Variants in EDIL3 observed in about 807,000 individuals in gnomAD.
EDIL3 encodes the protein EGF-like repeat and discoidin I-like domain-containing protein 3.
A neutral mutation model predicts 67.4 loss-of-function variants in EDIL3; 37 were observed. The observed-to-expected ratio is 0.55, with a 90% CI of 0.42 to 0.72. The LOEUF is 0.72. Among genes scored for constraint, EDIL3 ranks in the 30% least tolerant of loss-of-function variants. The pLI is 0.00. For missense variants in EDIL3, 527 were observed against 586.3 expected, an observed-to-expected ratio of 0.90 and a Z score of 1.04; for synonymous variants, 195 against 196.3, an observed-to-expected ratio of 0.99 and a Z score of 0.05.
intron 4 of EDIL3, among the ~76,000 whole-genome samples, chr5:84,152,042 C>G (rs1014996140): frequency 2.0e-5 from 3 of 151,916 alleles, no homozygotes; most frequent in Non-Finnish European, 4.4e-5. Flanking sequence ...GCCTCAGCCT[C>G]CAGAGTAGCT....
intron 1 of EDIL3, among the ~76,000 whole-genome samples, chr5:84,256,494 A>T (rs1040629892): frequency 2.0e-5 from 3 of 152,212 alleles, no homozygotes; most frequent in Non-Finnish European, 2.9e-5. Flanking sequence ...AAAGGGAATA[A>T]CACACTTAAA....
chr5:84,384,588 C>T lies in EDIL3; in HGVS notation c.-214G>A, dbSNP rs1027883069. 3 of 399,622 alleles carry T rather than the reference C, an allele frequency of 7.5e-6. No individual in the cohort carries two copies. Among genetic ancestry groups the T allele is most frequent in the Non-Finnish European group, 8.7e-6 (2 of 229,840 alleles). 24.8% of individuals were successfully genotyped at this position (399,622 alleles called of 1,614,324 possible). A position where few individuals can be genotyped will look rare whatever the true frequency, so the allele number is the denominator to read the frequency against. ...CTTTCCTCCCCTTTTGCCTGCGCTC[C>T]GGCGCGCGGAGGTGGGTGAGCTCCG... On this transcript the variant is annotated 5_prime_UTR_variant, in exon 1 of 11. Transcript: ENST00000296591.
At chr5:83,945,827 CA>C (rs1263906237) in intron 10 of EDIL3, among the ~76,000 whole-genome samples, 2 of 151,894 alleles carry the variant, frequency 1.3e-5, no homozygotes, top group Non-Finnish European at 2.9e-5. Flanking sequence ...CACAGAAAAA[CA>C]GCCGAAATCT....
At chr5:84,361,067 C>G (rs573493829) in intron 1 of EDIL3, among the ~76,000 whole-genome samples, 1 of 152,112 alleles carries the variant, frequency 6.6e-6, no homozygotes, top group Admixed American at 6.6e-5. Context: ...CCCTAAGTCA[C>G]TTATTCACCT....
At chr5:84,082,062 GC>G (rs1455525458) in intron 6 of EDIL3, among the ~76,000 whole-genome samples, 6 of 152,242 alleles carry the variant, frequency 3.9e-5, no homozygotes, top group African/African-American at 1.2e-4. Context: ...ATCCAGCATG[GC>G]AAAAGGTTAG....
At chr5:84,376,333 GA>G (rs1361273595) in intron 1 of EDIL3, among the ~76,000 whole-genome samples, 1 of 151,612 alleles carries the variant, frequency 6.6e-6, no homozygotes, top group African/African-American at 2.4e-5. Context: ...GTAATGAAAA[GA>G]AAGCAAAAAA....
At chr5:84,324,035 C>A (rs183561088) in intron 1 of EDIL3, among the ~76,000 whole-genome samples, 21 of 151,776 alleles carry the variant, frequency 1.4e-4, no homozygotes, top group African/African-American at 5.1e-4. Context: ...AATCAGAGGA[C>A]TTAATCAACA....
chr5:83,987,300 T>C (rs1005346890), intron 9 of EDIL3, among the ~76,000 whole-genome samples: 2 of 152,172 alleles, frequency 1.3e-5, no homozygotes, highest in African/African-American at 2.4e-5. Context: ...CTATTACCAA[T>C]ACATAATTTG....
In EDIL3 at chr5:84,133,395, A is replaced by G. The variant is rs147527246; in HGVS notation, c.469+3846T>C. 4.0e-3 allele frequency among the ~76,000 whole-genome samples: 600 copies of G among 148,878 alleles called. 4 individuals are homozygous for G. Among genetic ancestry groups the G allele is most frequent in the African/African-American group, 0.014 (576 of 40,358 alleles). The stretch of plus-strand genomic sequence containing the variant: ...CCCATTACTTTGGGAGGCCGAGGTG[A>G]GAAGATCATTCAAGGTCAGGAGTTT... On this transcript the variant is annotated intron_variant, in intron 5 of 10. Coordinates refer to ENST00000296591, the MANE Select transcript of EDIL3 (RefSeq NM_005711.5).
intron 9 of EDIL3, among the ~76,000 whole-genome samples, chr5:84,053,766 T>C (rs939115282): frequency 6.6e-6 from 1 of 152,196 alleles, no homozygotes; most frequent in Non-Finnish European, 1.5e-5. Flanking sequence ...AGGAAGAAGT[T>C]GAATCTCTGA....
chr5:84,065,408 T>C (rs1746619560), intron 7 of EDIL3, among the ~76,000 whole-genome samples: 1 of 152,216 alleles, frequency 6.6e-6, no homozygotes, highest in African/African-American at 2.4e-5. Context: ...AAAATTCAAG[T>C]ACTATAATGT....
At chr5:84,262,011 G>C (rs1407398701) in intron 1 of EDIL3, among the ~76,000 whole-genome samples, 1 of 152,082 alleles carries the variant, frequency 6.6e-6, no homozygotes, top group Non-Finnish European at 1.5e-5. Flanking sequence ...TGGATAAAAA[G>C]ACAAAAATGT....
intron 9 of EDIL3, among the ~76,000 whole-genome samples, chr5:84,054,609 A>C (rs1468859864): frequency 6.6e-6 from 1 of 152,128 alleles, no homozygotes; most frequent in African/African-American, 2.4e-5. Context: ...ACTTCAGCAA[A>C]GTCTCAGGAT....
chr5:84,259,951 T>G (rs958589160), intron 1 of EDIL3, among the ~76,000 whole-genome samples: 1 of 152,164 alleles, frequency 6.6e-6, no homozygotes, highest in South Asian at 2.1e-4. Flanking sequence ...TTATACAACT[T>G]CTCATGCCAT....
intron 1 of EDIL3, among the ~76,000 whole-genome samples, chr5:84,343,316 T>A (rs1044832555): frequency 1.3e-5 from 2 of 151,460 alleles, no homozygotes; most frequent in Admixed American, 1.3e-4. Context: ...CATTTACAAC[T>A]TTTTTTTTCA....
rs749560879 is a variant in EDIL3 at position 84,060,323 on chromosome 5, T to C, written c.1114A>G (p.Asn372Asp). The C allele has an allele frequency of 1.9e-5, 31 of 1,613,626 alleles. No homozygotes were observed. The highest frequency in any genetic ancestry group is 8.0e-5 in the African/African-American group (6 of 74,898). Residue 372 changes from asparagine (N) to aspartate (D), a missense_variant, in exon 9 of 11, where the codon AAT becomes GAT. Physicochemically the swap from Asn to Asp is conservative, Grantham distance 23. Transcript: ENST00000296591. Reference sequence around the variant, plus strand: ...ACCTGTAACCATTGTGACTGGTCATTGTGGCCAGAGGTCCAGGCATTCACT... The same window carrying C: ...ACCTGTAACCATTGTGACTGGTCATCGTGGCCAGAGGTCCAGGCATTCACT... ...GKVNAWTSGH[N>D]DQSQWLQVDL... is the part of the protein sequence containing the mutation.
chr5:84,361,301 A>T (rs1399311488), intron 1 of EDIL3, among the ~76,000 whole-genome samples: 1 of 151,108 alleles, frequency 6.6e-6, no homozygotes, highest in Non-Finnish European at 1.5e-5. Context: ...ACACACACAC[A>T]CACTTCAGAT....
chr5:84,299,816 A>G (rs911580462), intron 1 of EDIL3, among the ~76,000 whole-genome samples: 5 of 152,208 alleles, frequency 3.3e-5, no homozygotes, highest in African/African-American at 4.8e-5. Flanking sequence ...AACATATCTG[A>G]TCAGTTAGCC....
chr5:84,206,057 T>C (rs915353493), intron 3 of EDIL3, among the ~76,000 whole-genome samples: 1 of 151,742 alleles, frequency 6.6e-6, no homozygotes, highest in African/African-American at 2.4e-5. Flanking sequence ...TTTAGTGCTA[T>C]AAATTTCCCT....
Sources: allele counts gnomAD v4.1 joint callset (sites outside exome capture counted in the v4.1 genomes callset), GRCh38; gene constraint gnomAD v4.1.1; transcripts MANE v1.5; gene names NCBI Gene and HGNC (gene_info 2026-07-23, HGNC 2026-07-21).